The following FRAS1 variants were observed in gnomAD, a reference collection of about 807,000 sequenced individuals.
FRAS1 encodes the protein extracellular matrix organizing protein FRAS1.
FRAS1 carries 290 observed loss-of-function variants against 435.2 expected under a neutral mutation model. The ratio of observed to expected loss-of-function variants is 0.67; its 90% CI spans 0.61 to 0.73. The LOEUF (loss-of-function observed/expected upper bound fraction) is 0.73, where lower values mean the gene tolerates loss of function less well. FRAS1 is among the 30% of genes least tolerant of loss of function. The pLI, the probability that FRAS1 is intolerant of heterozygous loss-of-function variation, is 0.00. For synonymous variants in FRAS1, 1,800 were observed against 1,851.0 expected (o/e 0.97, Z 0.71); for missense variants, 4,860 against 5,001.5 (o/e 0.97, Z 0.85).
At chr4:78,368,308 T>G (rs2110302404) in intron 22 of FRAS1, among the ~76,000 whole-genome samples, 1 of 150,242 alleles carries the variant, frequency 6.7e-6, no homozygotes, top group East Asian at 2.0e-4. Context: ...AACAATGTCT[T>G]TCTTTGTAGG....
At position 78,265,088 on chromosome 4, in the gene FRAS1, GC is replaced by G; in HGVS notation, c.668del (p.Ala223GlufsTer37). On this transcript the variant is annotated frameshift_variant, in exon 7 of 74. Coordinates refer to ENST00000512123, the MANE Select transcript of FRAS1 (RefSeq NM_025074.7). LOFTEE classifies it high-confidence loss of function. Reference sequence around the variant, plus strand: ...GCAGTGCTCTGCAAGATCCTGCTCTGCAGCTGGCCAAGTATACGAGGTAAGC... The same window carrying G: ...GCAGTGCTCTGCAAGATCCTGCTCTGAGCTGGCCAAGTATACGAGGTAAGC... The part of the protein sequence containing the change: ...CPQCSARSCS[A>X]AGQVYEHGEQ... 13 of 1,612,986 alleles carry G rather than the reference GC, an allele frequency of 8.1e-6. No homozygotes were observed. The Admixed American group carries it at 8.3e-5, about 10-fold the overall frequency.
chr4:78,492,332 G>C lies in FRAS1; in HGVS notation c.8958+3252G>C, dbSNP rs539636326. 2.6e-5 allele frequency among the ~76,000 whole-genome samples: 4 copies of C among 152,078 alleles called. No individual in the cohort carries two copies. In the South Asian group the frequency reaches 8.3e-4, roughly 32 times the overall value. On this transcript the variant is annotated intron_variant, in intron 59 of 73. Transcript: ENST00000512123. ...TATGGAACCATAAAAGAGCCATATA[G>C]CCAAGACAATCCTAAGCAAAAAGAA... is the stretch of plus-strand genomic sequence containing the variant.
chr4:78,364,984 C>A (rs917302171), intron 22 of FRAS1, among the ~76,000 whole-genome samples: 14 of 151,732 alleles, frequency 9.2e-5, no homozygotes, highest in African/African-American at 2.9e-4. Flanking sequence ...GCCTCAGTTT[C>A]TTTTTTTTGT....
chr4:78,412,909 G>T lies in FRAS1; in HGVS notation c.4309-60G>T, dbSNP rs201603802. ...TGGCTTAAAAGAGGGAAAAACCCAC[G>T]TACTAACATGCTCTGCTCAATAGAA... On this transcript the variant is annotated intron_variant, in intron 31 of 73. Coordinates refer to ENST00000512123, the MANE Select transcript of FRAS1 (RefSeq NM_025074.7). 4.0e-6 allele frequency: 4 copies of T among 988,954 alleles called. No individual in the cohort carries two copies. In the South Asian group the frequency reaches 7.2e-5, roughly 18 times the overall value. The allele number at this position is 988,954 out of a possible 1,614,324, so 61.3% of individuals were successfully genotyped here.
rs572204345 is a variant in FRAS1, at chr4:78,288,598, G to T, written c.1534+2059G>T. On this transcript the variant is annotated intron_variant, in intron 14 of 73. Transcript: ENST00000512123. ...CAAATGCCTCTAGTAGAAAGTTGCT[G>T]GGAAAATTTGTTCATGCTCCCTCCA... Among the ~76,000 whole-genome samples, 8 of 152,226 alleles carry T rather than the reference G, an allele frequency of 5.3e-5. 2 individuals are homozygous for T. Among genetic ancestry groups the T allele is most frequent in the African/African-American group, 1.9e-4 (8 of 41,528 alleles).
rs1351201667 is a variant in FRAS1, at chr4:78,441,298, G to A, written c.5665+1G>A. On this transcript the variant is annotated splice_donor_variant, in intron 41 of 73. Coordinates refer to ENST00000512123, the MANE Select transcript of FRAS1 (RefSeq NM_025074.7). LOFTEE classifies it high-confidence loss of function. ...GGCTGCATTGAGAACACAGGAACAG[G>A]TACTACTTCCTGTAAAACTGTTAAG... is the stretch of plus-strand genomic sequence containing the variant. 2 of 1,610,402 alleles carry A rather than the reference G, an allele frequency of 1.2e-6. No homozygotes were observed. Among genetic ancestry groups the A allele is most frequent in the Non-Finnish European group, 1.7e-6 (2 of 1,178,198 alleles).
At chr4:78,142,149 C>T (rs76874468) in intron 2 of FRAS1, among the ~76,000 whole-genome samples, 411 of 152,000 alleles carry the variant, frequency 2.7e-3, no homozygotes, top group African/African-American at 9.5e-3. Context: ...AATGGGACTA[C>T]GGCTTACTTG....
chr4:78,098,978 A>C lies in FRAS1; in HGVS notation c.108+32962A>C, dbSNP rs745625085. Among the ~76,000 whole-genome samples, 7 of 152,310 alleles carry C rather than the reference A, an allele frequency of 4.6e-5. No individual in the cohort carries two copies. The East Asian group carries it at 5.8e-4, about 13-fold the overall frequency. On this transcript the variant is annotated intron_variant, in intron 2 of 73. Transcript: ENST00000512123. Reference sequence around the variant, plus strand: ...ATGGGTGGGATGGCAGGGGAGATGTAACAGCAGAACCTCGAGCTCCTGCTC... The same window carrying C: ...ATGGGTGGGATGGCAGGGGAGATGTCACAGCAGAACCTCGAGCTCCTGCTC...
chr4:78,425,434 A>G (rs1246614213), intron 35 of FRAS1, among the ~76,000 whole-genome samples: 1 of 152,158 alleles, frequency 6.6e-6, no homozygotes, highest in African/African-American at 2.4e-5. Flanking sequence ...TATAGTGAGG[A>G]TGATTGACCA....
At chr4:78,535,222 T>C (rs1264866698) in intron 71 of FRAS1, among the ~76,000 whole-genome samples, 2 of 152,170 alleles carry the variant, frequency 1.3e-5, no homozygotes, top group Non-Finnish European at 2.9e-5. Flanking sequence ...CGTGTTAGTG[T>C]CCCCAGATTC....
chr4:78,058,565 T>C (rs1739588358), intron 1 of FRAS1, among the ~76,000 whole-genome samples: 1 of 152,140 alleles, frequency 6.6e-6, no homozygotes, highest in Non-Finnish European at 1.5e-5. Flanking sequence ...AAAGTCCAGT[T>C]AGGATTTTAT....
At chr4:78,402,598 CT>C (rs1732934486) in intron 30 of FRAS1, among the ~76,000 whole-genome samples, 1 of 152,126 alleles carries the variant, frequency 6.6e-6, no homozygotes, top group Admixed American at 6.5e-5. Flanking sequence ...TTATCCTCCC[CT>C]AATGTTAACG....
At chr4:78,373,794 A>G (rs1210410738) in intron 24 of FRAS1, among the ~76,000 whole-genome samples, 1 of 151,610 alleles carries the variant, frequency 6.6e-6, no homozygotes, top group Non-Finnish European at 1.5e-5. Context: ...AATAATAATA[A>G]TAGTAATAGC....
chr4:78,456,015 A>G (rs1404258959), intron 47 of FRAS1, among the ~76,000 whole-genome samples: 1 of 151,936 alleles, frequency 6.6e-6, no homozygotes, highest in Non-Finnish European at 1.5e-5. Flanking sequence ...TGAGGCTTCT[A>G]CCTCTGGCCC....
intron 2 of FRAS1, among the ~76,000 whole-genome samples, chr4:78,104,790 T>C (rs1742306038): frequency 1.3e-5 from 2 of 152,192 alleles, no homozygotes; most frequent in Admixed American, 6.5e-5. Context: ...AGATACTTAA[T>C]AGATACTTAA....
chr4:78,259,747 G>C, intron 6 of FRAS1, among the ~76,000 whole-genome samples: 1 of 136,924 alleles, frequency 7.3e-6, no homozygotes, highest in African/African-American at 2.6e-5. Context: ...TTTTGTTGCC[G>C]TTGCTTTTAG....
At chr4:78,305,294 T>C (rs926092998) in intron 14 of FRAS1, among the ~76,000 whole-genome samples, 1 of 151,930 alleles carries the variant, frequency 6.6e-6, no homozygotes, top group African/African-American at 2.4e-5. Context: ...ATGTGGTCAG[T>C]TTTGGAATAG....
intron 66 of FRAS1, among the ~76,000 whole-genome samples, chr4:78,516,945 T>C (rs535717009): frequency 1.3e-5 from 2 of 152,292 alleles, no homozygotes; most frequent in East Asian, 1.9e-4. Context: ...GAAAAATTTA[T>C]AGCAAGAAGC....
At chr4:78,406,528 A>G (rs1458060578) in intron 30 of FRAS1, among the ~76,000 whole-genome samples, 2 of 152,130 alleles carry the variant, frequency 1.3e-5, no homozygotes, top group Non-Finnish European at 2.9e-5. Context: ...AGACTTATTT[A>G]TTATCAGGAG....
Sources: allele counts gnomAD v4.1 joint callset (sites outside exome capture counted in the v4.1 genomes callset), GRCh38; gene constraint gnomAD v4.1.1; transcripts MANE v1.5; gene names NCBI Gene and HGNC (gene_info 2026-07-23, HGNC 2026-07-21).